Variants in NRROS observed in about 807,000 individuals in gnomAD.
NRROS encodes negative regulator of reactive oxygen species.
Under a neutral mutation model 12.0 loss-of-function variants are expected in NRROS, and 6 were observed. The observed-to-expected ratio is 0.50, with a 90% CI of 0.27 to 0.98. NRROS has a LOEUF of 0.98. NRROS is among the 50% of genes least tolerant of loss of function. NRROS has a pLI of 0.11. For synonymous variants in NRROS, 462 were observed against 410.2 expected (o/e 1.13, Z -1.53); for missense variants, 857 against 888.2 (o/e 0.96, Z 0.45).
chr3:196,652,685 C>T (rs1737452192), intron 1 of NRROS, among the ~76,000 whole-genome samples: 1 of 152,000 alleles, frequency 6.6e-6, no homozygotes, highest in Admixed American at 6.5e-5. Context: ...TTAAAATGCC[C>T]CTCCTGAGTG....
At chr3:196,656,060 A>G (rs879823273) in intron 2 of NRROS, among the ~76,000 whole-genome samples, 31 of 152,162 alleles carry the variant, frequency 2.0e-4, no homozygotes, top group Admixed American at 3.3e-4. Context: ...AGTCCCAGCT[A>G]CTCGGGAGGC....
At chr3:196,641,021 A>G (rs767811200) in intron 1 of NRROS, among the ~76,000 whole-genome samples, 49 of 152,020 alleles carry the variant, frequency 3.2e-4, no homozygotes, top group Non-Finnish European at 2.5e-4. Flanking sequence ...TACATTTACA[A>G]TACGTATTTA....
chr3:196,650,036 G>A (rs551936519), intron 1 of NRROS, among the ~76,000 whole-genome samples: 4 of 152,284 alleles, frequency 2.6e-5, no homozygotes, highest in South Asian at 2.1e-4. Context: ...AGGAGAGGCC[G>A]TCACTCTGGC....
chr3:196,650,067 C>T (rs138786797), intron 1 of NRROS, among the ~76,000 whole-genome samples: 1 of 152,140 alleles, frequency 6.6e-6, no homozygotes, highest in Non-Finnish European at 1.5e-5. Context: ...ATTCAGATAT[C>T]CAGCGTGCAC....
chr3:196,650,110 A>G (rs1737392836), intron 1 of NRROS, among the ~76,000 whole-genome samples: 1 of 152,134 alleles, frequency 6.6e-6, no homozygotes, highest in Non-Finnish European at 1.5e-5. Flanking sequence ...CCTTTTCTAA[A>G]AACAAAACAA....
At position 196,660,318 on chromosome 3, in the gene NRROS, C is replaced by T. The variant is rs750330677; in HGVS notation, c.675C>T (p.Leu225=). The change falls in exon 3 of 3, where the codon CTC becomes CTT. Residue 225 remains leucine, a synonymous_variant. Coordinates refer to ENST00000328557, the MANE Select transcript of NRROS (RefSeq NM_198565.3). This position sits in a 1 kb window ranked among gnomAD's most constrained non-coding sequence, Gnocchi z 7.7. ...NNLPCIVDFG[L]TRLRVLNVSY... ...TCCCCTGCATCGTGGACTTCGGGCTCACGCGGCTGCGGGTCCTCAACGTCA... is the reference window on the plus strand; with the variant it reads ...TCCCCTGCATCGTGGACTTCGGGCTTACGCGGCTGCGGGTCCTCAACGTCA... 9 of 1,613,990 alleles carry T rather than the reference C, an allele frequency of 5.6e-6. No individual in the cohort carries two copies. The highest frequency in any genetic ancestry group is 1.1e-5 in the South Asian group (1 of 91,074).
In NRROS at chr3:196,659,885, C is replaced by A. The variant is rs780315346; in HGVS notation, c.242C>A (p.Pro81His). Residue 81 changes from proline (P) to histidine (H), a missense_variant, in exon 3 of 3, where the codon CCT (proline) becomes CAT (histidine). By Grantham distance (77) the Pro-to-His change is moderately conservative. Coordinates refer to ENST00000328557, the MANE Select transcript of NRROS (RefSeq NM_198565.3). ...TGGAATCACTCCCTCCAGCCTTACC[C>A]TCTCCTGGAGAGCCTCAGCCTGCAC... Reference protein sequence around the residue: ...TLWNHSLQPYPLLESLSLHSC... With the variant: ...TLWNHSLQPYHLLESLSLHSC... The A allele has an allele frequency of 3.7e-6, 6 of 1,614,134 alleles. No individual in the cohort carries two copies. In the Admixed American group the frequency reaches 1.0e-4, roughly 27 times the overall value.
chr3:196,645,593 T>A (rs1737292476), intron 1 of NRROS, among the ~76,000 whole-genome samples: 1 of 151,930 alleles, frequency 6.6e-6, no homozygotes, highest in Non-Finnish European at 1.5e-5. Context: ...AATCTGGGAG[T>A]GATTATGCAG....
chr3:196,648,059 T>C (rs1416849118), intron 1 of NRROS, among the ~76,000 whole-genome samples: 1 of 152,196 alleles, frequency 6.6e-6, no homozygotes, highest in Non-Finnish European at 1.5e-5. Flanking sequence ...AGAAGAGTGT[T>C]TGAAAAAGGT....
intron 2 of NRROS, among the ~76,000 whole-genome samples, chr3:196,657,351 G>A (rs114016175): frequency 1.5e-3 from 227 of 152,230 alleles, no homozygotes; most frequent in Admixed American, 3.4e-3. Flanking sequence ...GCACCCCATA[G>A]CGTGAAGAAA....
At chr3:196,658,918 T>A (rs192039915) in intron 2 of NRROS, among the ~76,000 whole-genome samples, 1 of 152,112 alleles carries the variant, frequency 6.6e-6, no homozygotes, top group Non-Finnish European at 1.5e-5. Flanking sequence ...TGCAGTGAGC[T>A]GAGATCACAC....
intron 1 of NRROS, among the ~76,000 whole-genome samples, chr3:196,645,635 C>T (rs1422097092): frequency 2.6e-5 from 4 of 152,114 alleles, no homozygotes; most frequent in South Asian, 2.1e-4. Context: ...ACCTTTGAAT[C>T]GGCCTCTTGT....
Position 196,660,587 on chromosome 3 carries a change from C to CT in NRROS, c.944_945insT (p.Val316ArgfsTer111). On this transcript the variant is annotated frameshift_variant, in exon 3 of 3. Coordinates refer to ENST00000328557, the MANE Select transcript of NRROS (RefSeq NM_198565.3). LOFTEE classifies it low-confidence loss of function (END_TRUNC). The surrounding 1 kb of genome is among the most constrained non-coding windows in gnomAD (Gnocchi z 7.7). ...GACGGCAACGTGACCAACATCACCA[C>CT]CGTCAGCCTCTGGGAAGAATTCTCC... 2 of 1,614,196 alleles carry CT rather than the reference C, an allele frequency of 1.2e-6. No homozygotes were observed. The highest frequency in any genetic ancestry group is 1.7e-6 in the Non-Finnish European group (2 of 1,180,042).
chr3:196,648,009 C>A (rs148336516), intron 1 of NRROS, among the ~76,000 whole-genome samples: 1 of 152,232 alleles, frequency 6.6e-6, no homozygotes, highest in East Asian at 1.9e-4. Flanking sequence ...GCCTGTATTT[C>A]CATTTTTAAC....
chr3:196,659,501 A>G (rs1457451530), intron 2 of NRROS, among the ~76,000 whole-genome samples: 1 of 151,366 alleles, frequency 6.6e-6, no homozygotes, highest in Admixed American at 6.6e-5. Context: ...TAGAGACAGG[A>G]CCTCACCATG....
chr3:196,651,023 G>A (rs914336445), intron 1 of NRROS, among the ~76,000 whole-genome samples: 10 of 152,164 alleles, frequency 6.6e-5, no homozygotes, highest in African/African-American at 1.2e-4. Flanking sequence ...ATGCTGTGGC[G>A]TGGTCCTCAG....
At chr3:196,656,924 C>T (rs1280347333) in intron 2 of NRROS, among the ~76,000 whole-genome samples, 2 of 152,108 alleles carry the variant, frequency 1.3e-5, no homozygotes, top group African/African-American at 4.8e-5. Context: ...TGGACGTTGG[C>T]CAGGTGCGGT....
chr3:196,651,344 A>G (rs1737421610), intron 1 of NRROS, among the ~76,000 whole-genome samples: 1 of 152,178 alleles, frequency 6.6e-6, no homozygotes, highest in South Asian at 2.1e-4. Flanking sequence ...ATTATTTAAG[A>G]CAGAGGATAT....
chr3:196,660,072 C>A lies in NRROS; in HGVS notation c.429C>A (p.Ala143=). 1 of 1,613,300 alleles carries A rather than the reference C, an allele frequency of 6.2e-7. No homozygotes were observed. The highest frequency in any genetic ancestry group is 8.5e-7 in the Non-Finnish European group (1 of 1,179,960). Residue 143 remains alanine (A), a synonymous_variant, in exon 3 of 3, where the codon GCC becomes GCA. Transcript: ENST00000328557. This position sits in a 1 kb window ranked among gnomAD's most constrained non-coding sequence, Gnocchi z 7.7. ...GGAGGCTGGACTTGTCAGGAAACGC[C>A]CTGACGGAGGACATGGCAGCCCTCA... ...GLRRLDLSGN[A]LTEDMAALML...
Sources: gnomAD v4.1 joint callset for allele counts (sites outside exome capture counted in the v4.1 genomes callset) on GRCh38, gnomAD v4.1.1 for gene constraint, Gnocchi (gnomAD v3.1) non-coding constraint, MANE v1.5 for transcripts, NCBI Gene and HGNC (gene_info 2026-07-23, HGNC 2026-07-21) for gene names.